Variants in MALRD1 observed in about 807,000 individuals in gnomAD.
MALRD1 encodes the protein MAM and LDL-receptor class A domain-containing protein 1.
A neutral mutation model predicts 242.1 loss-of-function variants in MALRD1; 247 were observed. The ratio of observed to expected loss-of-function variants is 1.02; its 90% CI spans 0.92 to 1.13. The LOEUF is 1.13. MALRD1 is among the 50% of genes most tolerant of loss of function. MALRD1 has a pLI of 0.00. For missense variants in MALRD1, 2,989 were observed against 2,533.1 expected (o/e 1.18, Z -3.86); for synonymous variants, 995 against 866.6 (o/e 1.15, Z -2.60).
chr10:19,482,396 T>C (rs56788191), intron 29 of MALRD1, among the ~76,000 whole-genome samples: 7,866 of 151,988 alleles, frequency 0.052, 685 homozygotes, highest in African/African-American at 0.18. Flanking sequence ...AAACCAGTTT[T>C]ATTAGAAAAT....
chr10:19,391,342 C>A (rs1201786931), intron 28 of MALRD1, among the ~76,000 whole-genome samples: 1 of 152,126 alleles, frequency 6.6e-6, no homozygotes, highest in Non-Finnish European at 1.5e-5. Context: ...AATATTAGGG[C>A]AATCATTTCA....
intron 31 of MALRD1, among the ~76,000 whole-genome samples, chr10:19,509,292 A>G (rs1833290011): frequency 6.6e-6 from 1 of 152,214 alleles, no homozygotes; most frequent in Non-Finnish European, 1.5e-5. Flanking sequence ...CAAGCAAGTT[A>G]GAGAAATTAT....
chr10:19,414,123 T>C (rs995771953), intron 28 of MALRD1, among the ~76,000 whole-genome samples: 1 of 152,158 alleles, frequency 6.6e-6, no homozygotes, highest in African/African-American at 2.4e-5. Flanking sequence ...CTCTTAGTTA[T>C]AGACTCTACA....
chr10:19,083,659 A>T (rs542951462), intron 2 of MALRD1, among the ~76,000 whole-genome samples: 1 of 152,114 alleles, frequency 6.6e-6, no homozygotes, highest in South Asian at 2.1e-4. Context: ...TTGTTTGAGA[A>T]TGAGGCTTTG....
At chr10:19,318,859 G>T (rs1040209981) in intron 21 of MALRD1, among the ~76,000 whole-genome samples, 6 of 151,826 alleles carry the variant, frequency 4.0e-5, no homozygotes, top group Admixed American at 1.3e-4. Context: ...CAACAAAATG[G>T]ATATGGTCCC....
At chr10:19,316,654 A>T (rs1931881) in intron 21 of MALRD1, among the ~76,000 whole-genome samples, 42,680 of 151,498 alleles carry the variant, frequency 0.28, 7,205 homozygotes, top group East Asian at 0.4. Flanking sequence ...TGCTGCAGAT[A>T]CCAGGGTGAT....
intron 21 of MALRD1, among the ~76,000 whole-genome samples, chr10:19,293,321 ATTTTC>A (rs778540154): frequency 1.2e-4 from 18 of 152,262 alleles, no homozygotes; most frequent in Non-Finnish European, 2.2e-4. Context: ...GTATGTAGTT[ATTTTC>A]TTTTAACTGT....
intron 26 of MALRD1, among the ~76,000 whole-genome samples, chr10:19,386,403 A>C (rs1244996705): frequency 1.1e-5 from 1 of 92,026 alleles, no homozygotes; most frequent in Non-Finnish European, 2.2e-5. Flanking sequence ...TACCTGGAAG[A>C]AGGAGAAGAC....
intron 36 of MALRD1, among the ~76,000 whole-genome samples, chr10:19,654,828 T>C (rs192958299): frequency 6.6e-6 from 1 of 152,138 alleles, no homozygotes; most frequent in African/African-American, 2.4e-5. Context: ...ATGTAAAAGA[T>C]AGACACATCT....
chr10:19,366,914 G>A (rs1845134817), intron 26 of MALRD1, among the ~76,000 whole-genome samples: 1 of 152,120 alleles, frequency 6.6e-6, no homozygotes, highest in Non-Finnish European at 1.5e-5. Context: ...TGGTTTGTCA[G>A]TGTCTTTAAG....
intron 33 of MALRD1, among the ~76,000 whole-genome samples, chr10:19,577,031 T>C (rs1376828184): frequency 6.8e-6 from 1 of 147,274 alleles, no homozygotes; most frequent in African/African-American, 2.5e-5. Context: ...TTGAGAAAAA[T>C]GTAAAATAAA....
At chr10:19,211,332 A>G (rs1837053266) in intron 18 of MALRD1, among the ~76,000 whole-genome samples, 1 of 152,042 alleles carries the variant, frequency 6.6e-6, no homozygotes, top group Admixed American at 6.5e-5. Flanking sequence ...AAAAATAATA[A>G]TAATAAGATT....
At chr10:19,516,848 G>A (rs1833656716) in intron 31 of MALRD1, among the ~76,000 whole-genome samples, 2 of 151,816 alleles carry the variant, frequency 1.3e-5, no homozygotes, top group African/African-American at 4.8e-5. Context: ...ATATCTATGA[G>A]GTCCTACAGA....
At chr10:19,147,591 A>G (rs1833767061) in intron 11 of MALRD1, among the ~76,000 whole-genome samples, 1 of 152,248 alleles carries the variant, frequency 6.6e-6, no homozygotes, top group Non-Finnish European at 1.5e-5. Flanking sequence ...CAAGCCAATT[A>G]TTAAATACAT....
intron 36 of MALRD1, among the ~76,000 whole-genome samples, chr10:19,657,425 T>A (rs1248965852): frequency 6.6e-6 from 1 of 151,944 alleles, no homozygotes; most frequent in Non-Finnish European, 1.5e-5. Context: ...AGCCCAGGGG[T>A]CCACATCAGG....
At chr10:19,221,587 A>C (rs1405038124) in intron 18 of MALRD1, among the ~76,000 whole-genome samples, 1 of 152,044 alleles carries the variant, frequency 6.6e-6, no homozygotes, top group African/African-American at 2.4e-5. Context: ...AGTGTGAAGA[A>C]CCCATGACTA....
chr10:19,346,196 G>GA (rs757466893), intron 24 of MALRD1, among the ~76,000 whole-genome samples: 11 of 152,136 alleles, frequency 7.2e-5, no homozygotes, highest in South Asian at 4.1e-4. Flanking sequence ...TATCTATACA[G>GA]AAACAAACAA....
chr10:19,644,763 T>C (rs1245787852), intron 36 of MALRD1, among the ~76,000 whole-genome samples: 1 of 152,190 alleles, frequency 6.6e-6, no homozygotes, highest in Admixed American at 6.5e-5. Flanking sequence ...GATGGTGAAT[T>C]TGAGGATTAG....
intron 21 of MALRD1, among the ~76,000 whole-genome samples, chr10:19,302,653 A>G (rs757750176): frequency 6.6e-6 from 1 of 151,756 alleles, no homozygotes; most frequent in Non-Finnish European, 1.5e-5. Context: ...ACTTTTTGGG[A>G]TGATCAAAAT....
Sources: allele counts gnomAD v4.1 joint callset (sites outside exome capture counted in the v4.1 genomes callset), GRCh38; gene constraint gnomAD v4.1.1; transcripts MANE v1.5; gene names NCBI Gene and HGNC (gene_info 2026-07-23, HGNC 2026-07-21).